Variants in WWOX observed in about 807,000 individuals in gnomAD.
WWOX encodes WW domain-containing oxidoreductase.
A neutral mutation model predicts 46.2 loss-of-function variants in WWOX; 69 were observed. The ratio of observed to expected loss-of-function variants is 1.49; its 90% CI spans 1.23 to 1.82. The LOEUF (loss-of-function observed/expected upper bound fraction) is 1.82. Ranked by LOEUF, WWOX falls within the 40% of genes most tolerant of loss-of-function variation. The pLI is 0.00. For synonymous variants in WWOX, 359 were observed against 202.6 expected, an observed-to-expected ratio of 1.77 and a Z score of -6.56; for missense variants, 919 against 542.6, an observed-to-expected ratio of 1.69 and a Z score of -6.89.
chr16:79,086,628 T>C (rs368139624), intron 8 of WWOX, among the ~76,000 whole-genome samples: 1 of 152,122 alleles, frequency 6.6e-6, no homozygotes, highest in African/African-American at 2.4e-5. Flanking sequence ...TGCCTGTAAT[T>C]CCAACACTTT....
In WWOX at chr16:79,199,352, G is replaced by A. The variant is rs373547395; in HGVS notation, c.1057-12256G>A. 4.2e-4 allele frequency among the ~76,000 whole-genome samples: 64 copies of A among 152,240 alleles called. 1 individual carries two copies. The South Asian group carries it at 7.3e-3, about 17-fold the overall frequency. On this transcript the variant is annotated intron_variant, in intron 8 of 8. Coordinates refer to ENST00000566780, the MANE Select transcript of WWOX (RefSeq NM_016373.4). ...TGTTGAGATCACAGGTGTGAGCCAT[G>A]GTGCCAGGCCTCTCCTGTCTTTAAC...
Position 78,493,667 on chromosome 16 carries a change from G to A in WWOX, c.1056+60915G>A, listed in dbSNP as rs575761235. On this transcript the variant is annotated intron_variant, in intron 8 of 8. Transcript: ENST00000566780. The stretch of plus-strand genomic sequence containing the variant: ...GCTATGCACTTATATGTATAGAAGC[G>A]TATAATCCACAGCACTCCTTCTGAA... Among the ~76,000 whole-genome samples, 29 of 152,116 alleles carry A rather than the reference G, an allele frequency of 1.9e-4. 1 individual carries two copies. The highest frequency in any genetic ancestry group is 7.4e-5 in the Non-Finnish European group (5 of 68,024).
intron 8 of WWOX, among the ~76,000 whole-genome samples, chr16:78,657,544 C>G (rs1368258762): frequency 6.6e-6 from 1 of 152,210 alleles, no homozygotes; most frequent in African/African-American, 2.4e-5. Flanking sequence ...CTAACCCCTC[C>G]TCTAGTTAAA....
At chr16:78,972,119 C>G (rs188677093) in intron 8 of WWOX, among the ~76,000 whole-genome samples, 115 of 152,326 alleles carry the variant, frequency 7.5e-4, no homozygotes, top group African/African-American at 2.2e-3. Context: ...AGGCTGTCGT[C>G]CTGCATTGGA....
chr16:78,716,832 T>G (rs73579409), intron 8 of WWOX, among the ~76,000 whole-genome samples: 8,921 of 152,256 alleles, frequency 0.059, 542 homozygotes, highest in African/African-American at 0.16. Context: ...TTACCCTCCC[T>G]ACGCAACCAC....
intron 8 of WWOX, among the ~76,000 whole-genome samples, chr16:78,561,363 C>G (rs11640157): frequency 6.6e-6 from 1 of 152,004 alleles, no homozygotes; most frequent in Non-Finnish European, 1.5e-5. Context: ...TCTGACTTTC[C>G]TTGATTTTGA....
intron 5 of WWOX, among the ~76,000 whole-genome samples, chr16:78,302,289 A>G (rs1043177291): frequency 5.3e-5 from 8 of 152,086 alleles, no homozygotes; most frequent in African/African-American, 1.9e-4. Context: ...TGTGTTTTTC[A>G]TATTCCCAAA....
intron 8 of WWOX, among the ~76,000 whole-genome samples, chr16:78,638,100 T>G (rs1213640569): frequency 6.6e-6 from 1 of 152,224 alleles, no homozygotes; most frequent in Admixed American, 6.5e-5. Context: ...AGCTCTTCTC[T>G]TAGTTATTCT....
chr16:78,786,723 C>G (rs1461765173), intron 8 of WWOX, among the ~76,000 whole-genome samples: 2 of 152,208 alleles, frequency 1.3e-5, no homozygotes, highest in East Asian at 1.9e-4. Flanking sequence ...ATCACTCAAT[C>G]ACTGTTTCCT....
At chr16:78,266,822 C>CTCTCTCTCTCTCTCTCTCTCTCTCTG (rs1480587353) in intron 5 of WWOX, among the ~76,000 whole-genome samples, 1 of 150,040 alleles carries the variant, frequency 6.7e-6, no homozygotes, top group Non-Finnish European at 1.5e-5. Context: ...CTCTCTCTCT[C>CTCTCTCTCTCTCTCTCTCTCTCTCTG]TCTGTCTCCC....
intron 8 of WWOX, among the ~76,000 whole-genome samples, chr16:78,618,165 G>A (rs939624981): frequency 2.0e-5 from 3 of 152,188 alleles, no homozygotes; most frequent in African/African-American, 4.8e-5. Context: ...ACAGCACAAA[G>A]TGGGGACTTG....
chr16:78,334,808 G>GCC (rs1555521509), intron 5 of WWOX, among the ~76,000 whole-genome samples: 1 of 78,752 alleles, frequency 1.3e-5, no homozygotes, highest in Non-Finnish European at 2.9e-5. Context: ...ACACACACAC[G>GCC]CACACACACA....
At position 78,619,133 on chromosome 16, in the gene WWOX, T is replaced by TAAAAA. The variant is rs768370577; in HGVS notation, c.1056+186387_1056+186391dup. Among the ~76,000 whole-genome samples the TAAAAA allele has an allele frequency of 4.6e-3, 19 of 4,098 alleles. 2 individuals carry two copies. The highest frequency in any genetic ancestry group is 8.8e-3 in the African/African-American group (14 of 1,600). 2.7% of individuals were successfully genotyped at this position (4,098 alleles called of 152,430 possible). ...CAACGTGGCAAAACCCCATTTCTAC[T>TAAAAA]AAAAAAAAAATATATATATATATAT... is the stretch of plus-strand genomic sequence containing the variant. On this transcript the variant is annotated intron_variant, in intron 8 of 8. Transcript: ENST00000566780.
intron 8 of WWOX, among the ~76,000 whole-genome samples, chr16:78,975,426 G>GGT (rs1273025569): frequency 6.6e-6 from 1 of 151,648 alleles, no homozygotes; most frequent in Non-Finnish European, 1.5e-5. Context: ...AACACTGGAG[G>GGT]TAAGAAACCT....
rs145245087 is a variant in WWOX, at chr16:78,684,711, G to C, written c.1056+251959G>C. 2.8e-4 allele frequency among the ~76,000 whole-genome samples: 42 copies of C among 152,288 alleles called. No homozygotes were observed. The East Asian group carries it at 8.1e-3, about 29-fold the overall frequency. The stretch of plus-strand genomic sequence containing the variant: ...TTCTTCCAGGTTAATCTTGGTTTCA[G>C]CTGCTTTAAACTCTACTTTTTAGTG... On this transcript the variant is annotated intron_variant, in intron 8 of 8. Transcript: ENST00000566780.
chr16:78,288,755 T>C (rs890748504), intron 5 of WWOX, among the ~76,000 whole-genome samples: 3 of 152,174 alleles, frequency 2.0e-5, no homozygotes, highest in South Asian at 2.1e-4. Flanking sequence ...CTAACCACAA[T>C]GGGTCATAAT....
intron 5 of WWOX, among the ~76,000 whole-genome samples, chr16:78,310,728 C>G (rs2080224674): frequency 6.6e-6 from 1 of 152,214 alleles, no homozygotes; most frequent in Non-Finnish European, 1.5e-5. Flanking sequence ...AAGGGTAAGG[C>G]TTGTAAGAAA....
At chr16:78,415,356 T>C (rs1307221522) in intron 6 of WWOX, among the ~76,000 whole-genome samples, 1 of 152,084 alleles carries the variant, frequency 6.6e-6, no homozygotes, top group East Asian at 1.9e-4. Flanking sequence ...CATCTTTGTT[T>C]TGGTGGGTTT....
intron 5 of WWOX, among the ~76,000 whole-genome samples, chr16:78,217,976 C>A (rs939478904): frequency 7.2e-5 from 11 of 152,154 alleles, no homozygotes; most frequent in Non-Finnish European, 1.5e-4. Flanking sequence ...TCCTTTTCCA[C>A]AAAAAGCAGA....
Sources: allele counts gnomAD v4.1 joint callset (sites outside exome capture counted in the v4.1 genomes callset), GRCh38; gene constraint gnomAD v4.1.1; transcripts MANE v1.5; gene names NCBI Gene and HGNC (gene_info 2026-07-23, HGNC 2026-07-21).